Variants in PMFBP1 observed in about 807,000 individuals in gnomAD.
PMFBP1 encodes the protein polyamine modulated factor 1 binding protein 1, also known as polyamine-modulated factor 1-binding protein 1.
PMFBP1 carries 131 observed loss-of-function variants against 137.8 expected under a neutral mutation model. The ratio of observed to expected loss-of-function variants is 0.95; its 90% confidence interval spans 0.82 to 1.10. PMFBP1 has a LOEUF of 1.10. PMFBP1 is among the 50% of genes least tolerant of loss of function. The pLI is 0.00. For synonymous variants in PMFBP1, 490 were observed against 450.4 expected, an observed-to-expected ratio of 1.09 and a Z score of -1.11; for missense variants, 1,199 against 1,175.4, an observed-to-expected ratio of 1.02 and a Z score of -0.29.
At chr16:72,145,593 T>C (rs2042793163) in intron 5 of PMFBP1, among the ~76,000 whole-genome samples, 3 of 152,116 alleles carry the variant, frequency 2.0e-5, no homozygotes, top group Admixed American at 2.0e-4. Flanking sequence ...ATCCAGGAGC[T>C]GGATTTTTGA....
At chr16:72,122,098 T>A (rs2042385014) in intron 19 of PMFBP1, among the ~76,000 whole-genome samples, 1 of 152,192 alleles carries the variant, frequency 6.6e-6, no homozygotes, top group African/African-American at 2.4e-5. Context: ...CTTCTTTGTG[T>A]TCCTAAGTTC....
chr16:72,126,478 A>G (rs1038694983), intron 14 of PMFBP1, among the ~76,000 whole-genome samples: 74 of 152,370 alleles, frequency 4.9e-4, no homozygotes, highest in African/African-American at 1.7e-3. Flanking sequence ...GTTAGTGGAC[A>G]TGATAACAAC....
chr16:72,131,249 G>A (rs2042545478), intron 10 of PMFBP1, among the ~76,000 whole-genome samples: 1 of 152,148 alleles, frequency 6.6e-6, no homozygotes, highest in Non-Finnish European at 1.5e-5. Context: ...TGTGGGAGGA[G>A]GGTAGAAGAC....
the PMFBP1 span, among the ~76,000 whole-genome samples, chr16:72,235,082 G>A: frequency 6.6e-6 from 1 of 152,086 alleles, no homozygotes; most frequent in South Asian, 2.1e-4. Context: ...TGTTGCTCAT[G>A]CTTTTGGTGT....
At chr16:72,191,579 C>T in the PMFBP1 span, among the ~76,000 whole-genome samples, 1 of 152,168 alleles carries the variant, frequency 6.6e-6, no homozygotes, top group African/African-American at 2.4e-5. Flanking sequence ...AACAGTTTAC[C>T]AGAATTGGGG....
At chr16:72,141,523 A>G (rs1298882461) in intron 5 of PMFBP1, among the ~76,000 whole-genome samples, 2 of 152,228 alleles carry the variant, frequency 1.3e-5, no homozygotes, top group African/African-American at 4.8e-5. Flanking sequence ...CATAATATAA[A>G]TGAATCTGTA....
the PMFBP1 span, among the ~76,000 whole-genome samples, chr16:72,198,555 C>T: frequency 6.6e-6 from 1 of 152,162 alleles, no homozygotes; most frequent in African/African-American, 2.4e-5. Context: ...TGCACGGTTT[C>T]TCTGGCTCTG....
At chr16:72,193,963 A>G in the PMFBP1 span, among the ~76,000 whole-genome samples, 52 of 148,946 alleles carry the variant, frequency 3.5e-4, no homozygotes, top group African/African-American at 1.2e-3. Context: ...AGTGGCAGGT[A>G]TGGTAATTAT....
chr16:72,146,045 C>G (rs2042800749), intron 5 of PMFBP1, among the ~76,000 whole-genome samples: 1 of 152,132 alleles, frequency 6.6e-6, no homozygotes, highest in African/African-American at 2.4e-5. Context: ...CAGCATCATC[C>G]TGATACCAAA....
chr16:72,178,656 A>C (rs996895409), upstream of PMFBP1, among the ~76,000 whole-genome samples: 2 of 152,180 alleles, frequency 1.3e-5, no homozygotes, highest in Non-Finnish European at 2.9e-5. Flanking sequence ...CAAATGTTCC[A>C]GCTTTGGCCA....
At chr16:72,125,140 C>A in intron 16 of PMFBP1, 98 bp downstream of exon 16, 1 of 1,481,768 alleles carries the variant, frequency 6.7e-7, no homozygotes, top group Non-Finnish European at 9.1e-7. Context: ...AACCTAGCAG[C>A]CCAAGGGAAT....
At chr16:72,249,362 A>G in the PMFBP1 span, among the ~76,000 whole-genome samples, 1 of 152,012 alleles carries the variant, frequency 6.6e-6, no homozygotes, top group Non-Finnish European at 1.5e-5. Flanking sequence ...CCATTCCCCA[A>G]AGTTTGAAAA....
intron 5 of PMFBP1, among the ~76,000 whole-genome samples, chr16:72,146,103 A>G (rs2042801855): frequency 6.6e-6 from 1 of 152,248 alleles, no homozygotes; most frequent in Admixed American, 6.5e-5. Flanking sequence ...ATCCCTGATG[A>G]ACATTGATGC....
At chr16:72,180,963 G>A (rs1030544993), upstream of PMFBP1, among the ~76,000 whole-genome samples, 13 of 152,110 alleles carry the variant, frequency 8.5e-5, no homozygotes, top group African/African-American at 2.7e-4. Context: ...AATACTCGCC[G>A]GGAGCGGTAG....
the PMFBP1 span, among the ~76,000 whole-genome samples, chr16:72,239,969 T>C: frequency 6.6e-6 from 1 of 151,358 alleles, no homozygotes; most frequent in Non-Finnish European, 1.5e-5. Context: ...TGAGGTTTAA[T>C]ATTAAAATAG....
At chr16:72,119,573 G>T (rs1165984262) in intron 20 of PMFBP1, 1 of 1,447,726 alleles carries the variant, frequency 6.9e-7, no homozygotes, top group Non-Finnish European at 9.0e-7. Context: ...GAAGGAAGAT[G>T]CCTCTTCTAC....
the PMFBP1 span, chr16:72,224,806 T>G: frequency 6.6e-6 from 1 of 152,206 alleles, no homozygotes; most frequent in African/African-American, 2.4e-5. Context: ...CTCTTACACC[T>G]CAATTGGTTG....
the PMFBP1 span, among the ~76,000 whole-genome samples, chr16:72,187,933 C>T: frequency 6.6e-5 from 10 of 152,292 alleles, no homozygotes; most frequent in Admixed American, 6.5e-4. Context: ...TGGCTGTGAG[C>T]AGAAAGTGCT....
the PMFBP1 span, among the ~76,000 whole-genome samples, chr16:72,219,877 A>C: frequency 6.6e-6 from 1 of 152,250 alleles, no homozygotes; most frequent in Non-Finnish European, 1.5e-5. Context: ...AGAAGAATCC[A>C]GGTCTTGGCC....
Sources: allele counts gnomAD v4.1 joint callset (sites outside exome capture counted in the v4.1 genomes callset), GRCh38; gene constraint gnomAD v4.1.1; transcripts MANE v1.5; gene names NCBI Gene and HGNC (gene_info 2026-07-23, HGNC 2026-07-21).